The following MYO9A variants were observed in gnomAD, a reference collection of about 807,000 sequenced individuals.
MYO9A encodes the protein myosin IXA, also known as unconventional myosin-IXa.
A neutral mutation model predicts 293.3 loss-of-function variants in MYO9A; 103 were observed. That is an observed-to-expected ratio of 0.35 (90% CI 0.30 to 0.41). The LOEUF (loss-of-function observed/expected upper bound fraction) is 0.41, where lower values mean the gene tolerates loss of function less well. Among genes scored for constraint, MYO9A ranks in the 10% least tolerant of loss-of-function variants. The probability of loss-of-function intolerance (pLI) is 1.00; values close to 1 mark genes in which losing one functional copy is unlikely to be tolerated. For missense variants in MYO9A, 2,685 were observed against 3,033.0 expected, an observed-to-expected ratio of 0.89 and a Z score of 2.69; for synonymous variants, 1,001 against 1,035.7, an observed-to-expected ratio of 0.97 and a Z score of 0.64.
At chr15:72,093,469 G>A in intron 1 of MYO9A, among the ~76,000 whole-genome samples, 1 of 152,112 alleles carries the variant, frequency 6.6e-6, no homozygotes, top group Non-Finnish European at 1.5e-5. Context: ...CCAAGGGAAA[G>A]AGGCTGCAGT....
chr15:71,893,638 C>A, intron 26 of MYO9A, 41 bp downstream of exon 26: 1 of 1,474,004 alleles, frequency 6.8e-7, no homozygotes, highest in Non-Finnish European at 9.5e-7. Context: ...ATGTACATCT[C>A]TTTTGTATAG....
At chr15:71,982,744 G>A (rs2076307228) in intron 11 of MYO9A, among the ~76,000 whole-genome samples, 1 of 152,026 alleles carries the variant, frequency 6.6e-6, no homozygotes, top group Non-Finnish European at 1.5e-5. Flanking sequence ...AAGTCAGCAT[G>A]GTATGTTAAA....
intron 6 of MYO9A, among the ~76,000 whole-genome samples, chr15:72,016,559 T>C (rs1390255832): frequency 1.3e-5 from 2 of 152,204 alleles, no homozygotes; most frequent in Non-Finnish European, 2.9e-5. Context: ...CCTATGATGC[T>C]AGTCACATAA....
At chr15:71,937,035 C>A (rs576653053) in intron 16 of MYO9A, among the ~76,000 whole-genome samples, 2 of 142,010 alleles carry the variant, frequency 1.4e-5, no homozygotes, top group African/African-American at 2.6e-5. Flanking sequence ...GAAGGAAAAA[C>A]GAAGGGAGGG....
intron 1 of MYO9A, among the ~76,000 whole-genome samples, chr15:72,070,128 CAAAAA>C (rs936332297): frequency 2.0e-5 from 1 of 49,050 alleles, no homozygotes; most frequent in Admixed American, 2.4e-4. Context: ...GACTATGTCT[CAAAAA>C]AAAAAAAAAA....
chr15:71,997,790 C>T (rs2076741383), intron 9 of MYO9A, among the ~76,000 whole-genome samples: 1 of 152,032 alleles, frequency 6.6e-6, no homozygotes, highest in Non-Finnish European at 1.5e-5. Flanking sequence ...ACGTGAGTCA[C>T]AATGGCTATT....
Position 72,118,049 on chromosome 15 carries a change from C to A in MYO9A, c.-441G>T. The A allele has an allele frequency of 2.5e-6, 1 of 396,368 alleles. No homozygotes were observed. Among genetic ancestry groups the A allele is most frequent in the Non-Finnish European group, 4.5e-6 (1 of 224,540 alleles). 24.6% of individuals were successfully genotyped at this position (396,368 alleles called of 1,614,324 possible). On this transcript the variant is annotated 5_prime_UTR_variant, in exon 1 of 42. Transcript: ENST00000356056. Reference sequence around the variant, plus strand: ...TACTCTCTCAACAGACACAGCCAACCGCCGCCGCGTCCCTTATCCGCTTCG... The same window carrying A: ...TACTCTCTCAACAGACACAGCCAACAGCCGCCGCGTCCCTTATCCGCTTCG...
chr15:71,973,733 T>A lies in MYO9A; in HGVS notation c.1844+4438A>T, dbSNP rs536622146. On this transcript the variant is annotated intron_variant, in intron 12 of 41. Coordinates refer to ENST00000356056, the MANE Select transcript of MYO9A (RefSeq NM_006901.4). ...ATTCGCCCAATGAATGTGTCTGTTA[T>A]CTACTTACGAGGTTACAGTAAATGC... Among the ~76,000 whole-genome samples the A allele has an allele frequency of 2.0e-3, 310 of 152,218 alleles. 1 individual carries two copies. The highest frequency in any genetic ancestry group is 4.0e-3 in the Non-Finnish European group (273 of 68,040).
chr15:72,075,979 T>G (rs1345810713), intron 1 of MYO9A, among the ~76,000 whole-genome samples: 7 of 152,016 alleles, frequency 4.6e-5, no homozygotes. Flanking sequence ...TAAAAAGAAC[T>G]GAAGGCATGA....
intron 1 of MYO9A, among the ~76,000 whole-genome samples, chr15:72,066,528 A>G (rs2079028585): frequency 1.3e-5 from 2 of 152,000 alleles, no homozygotes; most frequent in Admixed American, 6.6e-5. Context: ...AGCCAGATAA[A>G]AGAGTACAAA....
rs753415617 is a variant in MYO9A, at chr15:71,879,760, A to C, written c.5700T>G (p.Phe1900Leu). Residue 1900 changes from phenylalanine to leucine, a missense_variant, in exon 30 of 42, where the codon TTT becomes TTG. Around this residue, in one of 10 missense-constraint regions of MYO9A, gnomAD observed 1,434 missense variants for 1,497.7 expected, o/e 0.96. Coordinates refer to ENST00000356056, the MANE Select transcript of MYO9A (RefSeq NM_006901.4). ...DVVFKKALKE[F>L]RQNIFSFYSS... ...AATAAAAGCTGAAGATATTCTGCCGAAATTCCTTCAGGGCTTTTTTAAATA... is the reference window on the plus strand; with the variant it reads ...AATAAAAGCTGAAGATATTCTGCCGCAATTCCTTCAGGGCTTTTTTAAATA... The C allele has an allele frequency of 1.1e-5, 17 of 1,613,674 alleles. No homozygotes were observed. Among genetic ancestry groups the C allele is most frequent in the Middle Eastern group, 1.7e-4 (1 of 6,060 alleles).
chr15:71,847,752 T>A (rs1325668941), intron 39 of MYO9A, among the ~76,000 whole-genome samples: 1 of 152,214 alleles, frequency 6.6e-6, no homozygotes, highest in Non-Finnish European at 1.5e-5. Flanking sequence ...TGTTTTTAAT[T>A]TCTGGGGAAA....
intron 31 of MYO9A, among the ~76,000 whole-genome samples, chr15:71,876,664 G>A (rs921856982): frequency 6.6e-5 from 10 of 151,638 alleles, no homozygotes; most frequent in Non-Finnish European, 1.2e-4. Context: ...TCGATCTCCC[G>A]ACCTTGTGAT....
chr15:71,996,883 G>A (rs2076713603), intron 9 of MYO9A, among the ~76,000 whole-genome samples: 1 of 151,894 alleles, frequency 6.6e-6, no homozygotes, highest in African/African-American at 2.4e-5. Flanking sequence ...CTCCTCATAA[G>A]TGTAGGCAGA....
At chr15:71,974,088 CA>C in intron 12 of MYO9A, among the ~76,000 whole-genome samples, 1 of 152,128 alleles carries the variant, frequency 6.6e-6, no homozygotes, top group Middle Eastern at 3.4e-3. Flanking sequence ...TGCAAATGCT[CA>C]GAGTGCCATT....
chr15:71,945,946 G>A (rs150808701), intron 15 of MYO9A, among the ~76,000 whole-genome samples: 1 of 152,086 alleles, frequency 6.6e-6, no homozygotes, highest in East Asian at 1.9e-4. Flanking sequence ...GAATGAGCGT[G>A]GTATTAAGAC....
chr15:71,844,666 T>A (rs1341476548), intron 39 of MYO9A, among the ~76,000 whole-genome samples: 1 of 152,198 alleles, frequency 6.6e-6, no homozygotes, highest in African/African-American at 2.4e-5. Context: ...AGAGCTTTGA[T>A]TTCTTCTGAA....
chr15:71,991,332 T>G, intron 10 of MYO9A, 95 bp from the exon 11 acceptor site: 1 of 1,006,282 alleles, frequency 9.9e-7, no homozygotes, highest in Non-Finnish European at 1.5e-6. Context: ...TCAATTCCTC[T>G]AAAGCAGTGT....
chr15:71,844,766 GA>G (rs1259381809), intron 39 of MYO9A, among the ~76,000 whole-genome samples: 1 of 152,122 alleles, frequency 6.6e-6, no homozygotes, highest in East Asian at 1.9e-4. Flanking sequence ...ACTATAAATC[GA>G]AGTAAGCCTA....
Sources: allele counts gnomAD v4.1 joint callset (sites outside exome capture counted in the v4.1 genomes callset), GRCh38; gene constraint gnomAD v4.1.1; regional missense constraint gnomAD v4.1.1; transcripts MANE v1.5; gene names NCBI Gene and HGNC (gene_info 2026-07-23, HGNC 2026-07-21).